The following RNF216 variants were observed in gnomAD, a reference collection of about 807,000 sequenced individuals.
The protein encoded by RNF216 is E3 ubiquitin-protein ligase RNF216.
A neutral mutation model predicts 110.8 loss-of-function variants in RNF216; 72 were observed. The observed-to-expected ratio is 0.65, with a 90% CI of 0.54 to 0.79. RNF216 has a LOEUF of 0.79. Ranked by LOEUF, RNF216 falls within the 30% of genes least tolerant of loss-of-function variation. The pLI, the probability that RNF216 is intolerant of heterozygous loss-of-function variation, is 0.00. For missense variants in RNF216, 1,342 were observed against 1,141.2 expected (o/e 1.18, Z -2.54); for synonymous variants, 495 against 407.5 (o/e 1.21, Z -2.59).
At chr7:5,701,775 C>G (rs1368036733) in intron 13 of RNF216, among the ~76,000 whole-genome samples, 5 of 152,204 alleles carry the variant, frequency 3.3e-5, no homozygotes, top group Non-Finnish European at 5.9e-5. Flanking sequence ...CCTCACAGCA[C>G]CCAGTGCTGT....
chr7:5,713,588 T>C (rs1322734738), intron 11 of RNF216: 2 of 152,188 alleles, frequency 1.3e-5, no homozygotes, highest in African/African-American at 4.8e-5. Flanking sequence ...GTTCATAATA[T>C]AAAAGCTAAC....
chr7:5,691,147 G>C (rs536947715), intron 13 of RNF216, among the ~76,000 whole-genome samples: 28 of 152,074 alleles, frequency 1.8e-4, no homozygotes, highest in South Asian at 4.2e-4. Context: ...GTGTGTAGAC[G>C]GTGAGCCTGG....
rs1365528372 is a variant in RNF216, at chr7:5,620,259, C to T, written c.*2601G>A. On this transcript the variant is annotated 3_prime_UTR_variant, in exon 17 of 17. Transcript: ENST00000389902. ...TTAAATATTTTGCTAAGTGCAAATA[C>T]TAGATTCCTCTCTCCAGTTTTAAGG... is the stretch of plus-strand genomic sequence containing the variant. The T allele has an allele frequency of 6.6e-6, 1 of 152,216 alleles. No individual in the cohort carries two copies. Among genetic ancestry groups the T allele is most frequent in the African/African-American group, 2.4e-5 (1 of 41,458 alleles). The allele number at this position is 152,216 out of a possible 1,614,324, so 9.4% of individuals were successfully genotyped here. A position where few individuals can be genotyped will look rare whatever the true frequency, so the allele number is the denominator to read the frequency against.
rs376878330 is a variant in RNF216 at position 5,666,123 on chromosome 7, G to A, written c.2062-13613C>T. ...AGAGCTTGCAGTGAGTGGAGATCAC[G>A]CCACTGCACTCCAGCCTGGGCGACA... is the stretch of plus-strand genomic sequence containing the variant. On this transcript the variant is annotated intron_variant, in intron 13 of 16. Coordinates refer to ENST00000389902, the MANE Select transcript of RNF216 (RefSeq NM_207111.4). 5.1e-4 allele frequency among the ~76,000 whole-genome samples: 75 copies of A among 146,646 alleles called. 1 individual carries two copies. Among genetic ancestry groups the A allele is most frequent in the South Asian group, 1.5e-3 (7 of 4,636 alleles).
At chr7:5,656,174 CAGG>C (rs1013785048) in intron 13 of RNF216, among the ~76,000 whole-genome samples, 12 of 152,148 alleles carry the variant, frequency 7.9e-5, no homozygotes, top group African/African-American at 2.2e-4. Flanking sequence ...GAAGCTGAGA[CAGG>C]AGAATTGCTT....
chr7:5,722,812 A>C (rs1211494577), intron 8 of RNF216, among the ~76,000 whole-genome samples: 1 of 151,878 alleles, frequency 6.6e-6, no homozygotes, highest in Non-Finnish European at 1.5e-5. Flanking sequence ...ATCTAAGGTT[A>C]GGAGTTCGAG....
chr7:5,706,586 T>C (rs1404198344), intron 13 of RNF216, among the ~76,000 whole-genome samples: 1 of 152,240 alleles, frequency 6.6e-6, no homozygotes, highest in Non-Finnish European at 1.5e-5. Context: ...AAAGGCTGCA[T>C]AATATACCAA....
At chr7:5,740,202 C>A (rs1241844740) in intron 4 of RNF216, among the ~76,000 whole-genome samples, 1 of 145,162 alleles carries the variant, frequency 6.9e-6, no homozygotes, top group East Asian at 2.1e-4. Context: ...TCCTGACTCA[C>A]TGCAAGCTCT....
chr7:5,631,894 C>T (rs1787095068), intron 15 of RNF216, among the ~76,000 whole-genome samples: 1 of 152,212 alleles, frequency 6.6e-6, no homozygotes, highest in African/African-American at 2.4e-5. Context: ...CCACGAGGTC[C>T]TGCTGCCTTG....
At chr7:5,649,787 C>T (rs1426261008) in intron 14 of RNF216, 1 of 152,210 alleles carries the variant, frequency 6.6e-6, no homozygotes, top group East Asian at 1.9e-4. Context: ...CTTTAAGCCT[C>T]AACAGATGCT....
chr7:5,671,516 C>G (rs549464046), intron 13 of RNF216, among the ~76,000 whole-genome samples: 7 of 152,004 alleles, frequency 4.6e-5, no homozygotes, highest in Non-Finnish European at 8.8e-5. Flanking sequence ...ATAAGAAGGA[C>G]AGAGAGAGCC....
At chr7:5,635,316 AATG>A (rs1412446994) in intron 15 of RNF216, among the ~76,000 whole-genome samples, 2 of 150,422 alleles carry the variant, frequency 1.3e-5, no homozygotes, top group African/African-American at 2.4e-5. Flanking sequence ...TTTAACACAC[AATG>A]ATATTTATGA....
At chr7:5,736,437 G>A (rs923689179) in intron 5 of RNF216, among the ~76,000 whole-genome samples, 3 of 152,178 alleles carry the variant, frequency 2.0e-5, no homozygotes, top group Non-Finnish European at 4.4e-5. Context: ...TGTTGCCCAG[G>A]CTGCAGTGCA....
In RNF216 at chr7:5,622,203, G is replaced by A. The variant is rs1349335204; in HGVS notation, c.*657C>T. On this transcript the variant is annotated 3_prime_UTR_variant, in exon 17 of 17. Coordinates refer to ENST00000389902, the MANE Select transcript of RNF216 (RefSeq NM_207111.4). ...AAGGATTTCTCAGCCTGACTTTCCAGAGACCGAGGATGAGAAAGTTAGGCG... is the reference window on the plus strand; with the variant it reads ...AAGGATTTCTCAGCCTGACTTTCCAAAGACCGAGGATGAGAAAGTTAGGCG... 2 of 152,364 alleles carry A rather than the reference G, an allele frequency of 1.3e-5. No homozygotes were observed. The highest frequency in any genetic ancestry group is 2.9e-5 in the Non-Finnish European group (2 of 68,136). 9.4% of individuals were successfully genotyped at this position (152,364 alleles called of 1,614,324 possible).
At chr7:5,714,959 C>T (rs1464898369) in intron 11 of RNF216, 94 bp downstream of exon 11, 19 of 1,195,356 alleles carry the variant, frequency 1.6e-5, no homozygotes, top group Non-Finnish European at 2.1e-5. Context: ...TCCACCTCAC[C>T]CTCAAAGAGG....
At position 5,696,601 on chromosome 7, in the gene RNF216, G is replaced by A. The variant is rs758637412; in HGVS notation, c.2061+15160C>T. On this transcript the variant is annotated intron_variant, in intron 13 of 16. Transcript: ENST00000389902. The surrounding 1 kb of genome is among the most constrained non-coding windows in gnomAD (Gnocchi z 5.4). ...CGTGTCCTATGGTCTCGCTTCGGCC[G>A]CTCTTCACCAAAGCCTCTTCCTTGG... 2.6e-5 allele frequency among the ~76,000 whole-genome samples: 4 copies of A among 152,140 alleles called. No individual in the cohort carries two copies. Among genetic ancestry groups the A allele is most frequent in the East Asian group, 3.9e-4 (2 of 5,192 alleles).
rs1346299583 is a variant in RNF216, at chr7:5,696,011, A to T, written c.2061+15750T>A. Among the ~76,000 whole-genome samples the T allele has an allele frequency of 6.6e-6, 1 of 152,080 alleles. No homozygotes were observed. The highest frequency in any genetic ancestry group is 2.4e-5 in the African/African-American group (1 of 41,414). ...TAGGACTAGGCTGGGAAGGGAGGGTACCCCACTTGAAGGAGGGGCTGTGGC... is the reference window on the plus strand; with the variant it reads ...TAGGACTAGGCTGGGAAGGGAGGGTTCCCCACTTGAAGGAGGGGCTGTGGC... On this transcript the variant is annotated intron_variant, in intron 13 of 16. Coordinates refer to ENST00000389902, the MANE Select transcript of RNF216 (RefSeq NM_207111.4). The surrounding 1 kb of genome is among the most constrained non-coding windows in gnomAD (Gnocchi z 5.4).
intron 13 of RNF216, among the ~76,000 whole-genome samples, chr7:5,708,384 T>C (rs1792435918): frequency 6.6e-6 from 1 of 152,228 alleles, no homozygotes; most frequent in Non-Finnish European, 1.5e-5. Flanking sequence ...CAATATTTGC[T>C]TCACATATTT....
rs1414164835 is a variant in RNF216 at position 5,680,986 on chromosome 7, G to A, written c.2062-28476C>T. On this transcript the variant is annotated intron_variant, in intron 13 of 16. Coordinates refer to ENST00000389902, the MANE Select transcript of RNF216 (RefSeq NM_207111.4). This position sits in a 1 kb window ranked among gnomAD's most constrained non-coding sequence, Gnocchi z 4.3. ...CCATGGCGGAGAGCCTGGACTTCAG[G>A]CCATCCCACCCCTCACTCCCTCTCA... is the stretch of plus-strand genomic sequence containing the variant. Among the ~76,000 whole-genome samples, 1 of 152,066 alleles carries A rather than the reference G, an allele frequency of 6.6e-6. No homozygotes were observed. The highest frequency in any genetic ancestry group is 6.5e-5 in the Admixed American group (1 of 15,268).
Sources: gnomAD v4.1 joint callset for allele counts (sites outside exome capture counted in the v4.1 genomes callset) on GRCh38, gnomAD v4.1.1 for gene constraint, Gnocchi (gnomAD v3.1) non-coding constraint, MANE v1.5 for transcripts, NCBI Gene and HGNC (gene_info 2026-07-23, HGNC 2026-07-21) for gene names.